The following ST13 variants were observed in gnomAD, a reference collection of about 807,000 sequenced individuals.
ST13 encodes the protein ST13 Hsp70 interacting protein, also known as hsc70-interacting protein.
Under a neutral mutation model 56.7 loss-of-function variants are expected in ST13, and 23 were observed. The ratio of observed to expected loss-of-function variants is 0.41; its 90% confidence interval spans 0.29 to 0.57. The LOEUF is 0.57. Among genes scored for constraint, ST13 ranks in the 20% least tolerant of loss-of-function variants. The pLI is 0.36. For missense variants in ST13, 369 were observed against 459.9 expected, an observed-to-expected ratio of 0.80 and a Z score of 1.81; for synonymous variants, 132 against 142.4, an observed-to-expected ratio of 0.93 and a Z score of 0.52.
intron 9 of ST13, among the ~76,000 whole-genome samples, chr22:40,830,495 AAG>A (rs930317415): frequency 1.2e-4 from 19 of 152,186 alleles, no homozygotes; most frequent in African/African-American, 4.3e-4. Flanking sequence ...CCACTGTTGG[AAG>A]AGAGGAGGAA....
intron 3 of ST13, 124 bp from the exon 4 acceptor site, chr22:40,845,033 T>G: frequency 1.6e-6 from 1 of 641,024 alleles, no homozygotes; most frequent in Non-Finnish European, 2.6e-6. Context: ...TGATGCATTT[T>G]AAAATATGTT....
intron 8 of ST13, 61 bp downstream of exon 8, chr22:40,832,508 C>G: frequency 8.2e-7 from 1 of 1,218,632 alleles, no homozygotes; most frequent in Non-Finnish European, 1.2e-6. Flanking sequence ...CTGTCGGGGG[C>G]TAAGCACTAC....
At position 40,834,543 on chromosome 22, in the gene ST13, C is replaced by T. The variant is rs2057768689; in HGVS notation, c.578+1017G>A. Reference sequence around the variant, plus strand: ...AACTCACAATTTCAAGAATTTTTTCCCTAAATTCATGATTTTTAAAATGTT... The same window carrying T: ...AACTCACAATTTCAAGAATTTTTTCTCTAAATTCATGATTTTTAAAATGTT... On this transcript the variant is annotated intron_variant, in intron 7 of 11. Transcript: ENST00000216218. 2.6e-5 allele frequency among the ~76,000 whole-genome samples: 4 copies of T among 152,016 alleles called. No homozygotes were observed. In the South Asian group the frequency reaches 8.3e-4, roughly 32 times the overall value.
At chr22:40,833,984 T>C (rs1291511595) in intron 7 of ST13, among the ~76,000 whole-genome samples, 1 of 152,164 alleles carries the variant, frequency 6.6e-6, no homozygotes, top group African/African-American at 2.4e-5. Context: ...GTGGGATATA[T>C]ATTCTAAGAA....
chr22:40,839,838 A>T (rs2057794469), intron 5 of ST13, among the ~76,000 whole-genome samples: 1 of 150,954 alleles, frequency 6.6e-6, no homozygotes. Flanking sequence ...TACCTTGGAG[A>T]GTTAAAAAAA....
rs1445714432 is a variant in ST13, at chr22:40,825,260, T to C, written c.*1278A>G. On this transcript the variant is annotated 3_prime_UTR_variant, in exon 12 of 12. Coordinates refer to ENST00000216218, the MANE Select transcript of ST13 (RefSeq NM_003932.5). ...ATGAGTCTTTCATAGTCTCAACAACTCCACAATGAATAACTGTGGATTATC... is the reference window on the plus strand; with the variant it reads ...ATGAGTCTTTCATAGTCTCAACAACCCCACAATGAATAACTGTGGATTATC... The C allele has an allele frequency of 6.6e-6, 1 of 152,042 alleles. No homozygotes were observed. The highest frequency in any genetic ancestry group is 1.5e-5 in the Non-Finnish European group (1 of 68,006). The allele number at this position is 152,042 out of a possible 1,614,324, so 9.4% of individuals were successfully genotyped here.
intron 1 of ST13, among the ~76,000 whole-genome samples, chr22:40,853,187 A>G (rs2057870426): frequency 6.6e-6 from 1 of 152,194 alleles, no homozygotes; most frequent in South Asian, 2.1e-4. Flanking sequence ...ATGCATCAGC[A>G]TTAGTTTCCT....
intron 2 of ST13, among the ~76,000 whole-genome samples, chr22:40,850,117 G>T (rs1229161000): frequency 6.6e-6 from 1 of 152,114 alleles, no homozygotes. Flanking sequence ...AATTAGCCAG[G>T]CATGGTGGGA....
In ST13 at chr22:40,825,365, T is replaced by C. The variant is rs2057722793; in HGVS notation, c.*1173A>G. On this transcript the variant is annotated 3_prime_UTR_variant, in exon 12 of 12. Coordinates refer to ENST00000216218, the MANE Select transcript of ST13 (RefSeq NM_003932.5). ...TTTAATTCAAACCTTATCTTCAGAA[T>C]ACAAAGATGAATACTACAAGATAAA... is the stretch of plus-strand genomic sequence containing the variant. The C allele has an allele frequency of 6.6e-6, 1 of 152,200 alleles. No individual in the cohort carries two copies. Among genetic ancestry groups the C allele is most frequent in the Non-Finnish European group, 1.5e-5 (1 of 68,038 alleles). The allele number at this position is 152,200 out of a possible 1,614,324, so 9.4% of individuals were successfully genotyped here. A position where few individuals can be genotyped will look rare whatever the true frequency, so the allele number is the denominator to read the frequency against.
At chr22:40,828,619 A>T (rs79442727) in intron 10 of ST13, among the ~76,000 whole-genome samples, 1 of 147,608 alleles carries the variant, frequency 6.8e-6, no homozygotes, top group South Asian at 2.2e-4. Flanking sequence ...TCTCAATAAT[A>T]AAAAAAAAAA....
chr22:40,847,292 T>TG (rs138343), intron 3 of ST13, among the ~76,000 whole-genome samples: 152,070 of 152,074 alleles, frequency 1, 76,033 homozygotes, highest in Middle Eastern at 1. Context: ...CCAAACACTT[T>TG]GGAGGCCAAG....
intron 5 of ST13, among the ~76,000 whole-genome samples, chr22:40,837,587 G>A (rs897790480): frequency 4.6e-5 from 7 of 152,096 alleles, no homozygotes; most frequent in South Asian, 2.1e-4. Flanking sequence ...CGGAGGTTGC[G>A]GTGAGCCAAG....
At position 40,826,621 on chromosome 22, in the gene ST13, C is replaced by T. The variant is rs1159662274; in HGVS notation, c.1027G>A (p.Ala343Thr). Residue 343 changes from alanine (A) to threonine (T), a missense_variant, in exon 12 of 12, where the codon GCA becomes ACA. Physicochemically the swap from Ala to Thr is moderately conservative, Grantham distance 58. Coordinates refer to ENST00000216218, the MANE Select transcript of ST13 (RefSeq NM_003932.5). Reference protein sequence around the residue: ...VAFQDVAQNPANMSKYQSNPK... With the variant: ...VAFQDVAQNPTNMSKYQSNPK... ...TTGCTCTGGTATTTTGACATATTTGCTGGGTTCTGAGCCACATCCTGGAAA... is the reference window on the plus strand; with the variant it reads ...TTGCTCTGGTATTTTGACATATTTGTTGGGTTCTGAGCCACATCCTGGAAA... The T allele has an allele frequency of 2.5e-6, 4 of 1,607,404 alleles. No homozygotes were observed. Among genetic ancestry groups the T allele is most frequent in the East Asian group, 4.5e-5 (2 of 44,868 alleles).
chr22:40,848,034 C>T (rs989926279), intron 3 of ST13, among the ~76,000 whole-genome samples: 1 of 151,816 alleles, frequency 6.6e-6, no homozygotes, highest in Non-Finnish European at 1.5e-5. Flanking sequence ...GTGACAAGAG[C>T]ACGACTCCAT....
chr22:40,850,582 A>T (rs182160348), intron 2 of ST13, among the ~76,000 whole-genome samples: 1 of 152,364 alleles, frequency 6.6e-6, no homozygotes, highest in African/African-American at 2.4e-5. Flanking sequence ...CCATACATGT[A>T]ACTTTTATTG....
Position 40,838,072 on chromosome 22 carries a change from GA to G in ST13, c.383-2186del, listed in dbSNP as rs748575450. 8.5e-5 allele frequency among the ~76,000 whole-genome samples: 13 copies of G among 152,236 alleles called. No homozygotes were observed. In the East Asian group the frequency reaches 9.6e-4, roughly 11 times the overall value. ...TTCAGGAGTTGGTAAACGTTTTCTGGAAAGGGCCAAATAAGAATTATTTTAA... is the reference window on the plus strand; with the variant it reads ...TTCAGGAGTTGGTAAACGTTTTCTGGAAGGGCCAAATAAGAATTATTTTAA... On this transcript the variant is annotated intron_variant, in intron 5 of 11. Transcript: ENST00000216218.
At chr22:40,856,004 A>G (rs2057891558) in intron 1 of ST13, among the ~76,000 whole-genome samples, 1 of 152,170 alleles carries the variant, frequency 6.6e-6, no homozygotes, top group African/African-American at 2.4e-5. Flanking sequence ...TTAACTTACT[A>G]GTGTTATATT....
Position 40,826,525 on chromosome 22 carries a change from T to A in ST13, c.*13A>T, listed in dbSNP as rs1323498063. Reference sequence around the variant, plus strand: ...CTTTTCCTTCAGCAAGGGCTTTATTTATCAGAAGGACATTACGCTTGACCT... The same window carrying A: ...CTTTTCCTTCAGCAAGGGCTTTATTAATCAGAAGGACATTACGCTTGACCT... On this transcript the variant is annotated 3_prime_UTR_variant, in exon 12 of 12. Transcript: ENST00000216218. 6.3e-7 allele frequency: 1 copy of A among 1,596,972 alleles called. No individual in the cohort carries two copies. Among genetic ancestry groups the A allele is most frequent in the Non-Finnish European group, 8.5e-7 (1 of 1,179,500 alleles).
At position 40,824,825 on chromosome 22, in the gene ST13, TC is replaced by T. The variant is rs1174676589; in HGVS notation, c.*1712del. On this transcript the variant is annotated 3_prime_UTR_variant, in exon 12 of 12. Coordinates refer to ENST00000216218, the MANE Select transcript of ST13 (RefSeq NM_003932.5). The stretch of plus-strand genomic sequence containing the variant: ...TTTTTAAAGGATTTAAAAAGCATGC[TC>T]CATCAGCATAATAGCTTTTTCTCAT... 6 of 152,214 alleles carry T rather than the reference TC, an allele frequency of 3.9e-5. No homozygotes were observed. The South Asian group carries it at 1.2e-3, about 31-fold the overall frequency. The allele number at this position is 152,214 out of a possible 1,614,324, so 9.4% of individuals were successfully genotyped here. A position where few individuals can be genotyped will look rare whatever the true frequency, so the allele number is the denominator to read the frequency against.
Sources: allele counts gnomAD v4.1 joint callset (sites outside exome capture counted in the v4.1 genomes callset), GRCh38; gene constraint gnomAD v4.1.1; transcripts MANE v1.5; gene names NCBI Gene and HGNC (gene_info 2026-07-23, HGNC 2026-07-21).